The following EVI5 variants were observed in gnomAD, a reference collection of about 807,000 sequenced individuals.
The protein encoded by EVI5 is ecotropic viral integration site 5, also known as ecotropic viral integration site 5 protein homolog.
EVI5 carries 73 observed loss-of-function variants against 112.0 expected under a neutral mutation model. That is an observed-to-expected ratio of 0.65 (90% CI 0.54 to 0.79). The LOEUF (loss-of-function observed/expected upper bound fraction) is 0.79, where lower values mean the gene tolerates loss of function less well. Ranked by LOEUF, EVI5 falls within the 30% of genes least tolerant of loss-of-function variation. The probability of loss-of-function intolerance (pLI) is 0.00; values close to 1 mark genes in which losing one functional copy is unlikely to be tolerated. For synonymous variants in EVI5, 305 were observed against 319.9 expected (o/e 0.95, Z 0.50); for missense variants, 900 against 968.8 (o/e 0.93, Z 0.94).
intron 18 of EVI5, among the ~76,000 whole-genome samples, chr1:92,588,786 GT>G (rs1463267387): frequency 2.0e-5 from 3 of 152,156 alleles, no homozygotes; most frequent in Non-Finnish European, 2.9e-5. Context: ...AACTTAATCT[GT>G]TCTTCACATG....
chr1:92,736,207 A>T (rs1017494088), intron 2 of EVI5, among the ~76,000 whole-genome samples, 191 bp downstream of exon 2: 5 of 152,174 alleles, frequency 3.3e-5, no homozygotes, highest in Admixed American at 6.5e-5. Flanking sequence ...ACAAATCTCT[A>T]AAGCTATTTG....
intron 19 of EVI5, among the ~76,000 whole-genome samples, chr1:92,516,641 C>A (rs924574068): frequency 1.3e-5 from 2 of 152,086 alleles, no homozygotes; most frequent in African/African-American, 4.8e-5. Context: ...ACTGACTACC[C>A]AGAATATGTT....
In EVI5 at chr1:92,784,874, T is replaced by C. The variant is rs982033183; in HGVS notation, c.-120A>G. On this transcript the variant is annotated 5_prime_UTR_variant, in exon 1 of 20. Coordinates refer to ENST00000684568, the MANE Select transcript of EVI5 (RefSeq NM_001350197.2). ...AGTAGACTTCGCCGTAAACATTAAC[T>C]TCCCATCCAGCCGGCAGCCGCGCCG... 2 of 985,476 alleles carry C rather than the reference T, an allele frequency of 2.0e-6. No homozygotes were observed. The highest frequency in any genetic ancestry group is 2.4e-6 in the Non-Finnish European group (2 of 830,282). 61.0% of individuals were successfully genotyped at this position (985,476 alleles called of 1,614,324 possible). A position where few individuals can be genotyped will look rare whatever the true frequency, so the allele number is the denominator to read the frequency against.
At chr1:92,708,596 A>C (rs778650832) in intron 2 of EVI5, among the ~76,000 whole-genome samples, 4 of 152,166 alleles carry the variant, frequency 2.6e-5, no homozygotes, top group Non-Finnish European at 5.9e-5. Context: ...ACCATGACTC[A>C]GCAATTCCAC....
intron 9 of EVI5, among the ~76,000 whole-genome samples, chr1:92,684,246 T>C (rs1222271175): frequency 6.6e-6 from 1 of 152,180 alleles, no homozygotes; most frequent in Non-Finnish European, 1.5e-5. Flanking sequence ...GGGGCCAATA[T>C]TCAACATTCT....
chr1:92,785,238 G>T (rs1370092628), upstream of EVI5: 1 of 326,584 alleles, frequency 3.1e-6, no homozygotes. Flanking sequence ...GAGTGCAGAG[G>T]AGGCGGGGAA....
intron 1 of EVI5, among the ~76,000 whole-genome samples, chr1:92,748,347 G>A (rs1208758728): frequency 1.3e-5 from 2 of 152,296 alleles, no homozygotes; most frequent in African/African-American, 4.8e-5. Context: ...AGGCACAAAT[G>A]TGAACATACC....
At chr1:92,550,400 A>C (rs1666595750) in intron 19 of EVI5, among the ~76,000 whole-genome samples, 1 of 151,298 alleles carries the variant, frequency 6.6e-6, no homozygotes, top group Admixed American at 6.6e-5. Flanking sequence ...AATGTAAATG[A>C]GGAGTTAATG....
At chr1:92,731,178 G>C (rs375335687) in intron 2 of EVI5, among the ~76,000 whole-genome samples, 3 of 151,810 alleles carry the variant, frequency 2.0e-5, no homozygotes, top group African/African-American at 7.3e-5. Flanking sequence ...ACAAAAATTA[G>C]CCGTCATAGT....
intron 13 of EVI5, among the ~76,000 whole-genome samples, chr1:92,659,692 G>T (rs762485060): frequency 6.6e-6 from 1 of 151,952 alleles, no homozygotes; most frequent in Non-Finnish European, 1.5e-5. Flanking sequence ...ATTTCTCAAA[G>T]AACTAAAAAC....
At chr1:92,740,309 T>C (rs1367625616) in intron 1 of EVI5, among the ~76,000 whole-genome samples, 2 of 152,214 alleles carry the variant, frequency 1.3e-5, no homozygotes, top group Non-Finnish European at 2.9e-5. Context: ...CAAGGGCTAT[T>C]GAGGACTAAG....
Position 92,610,668 on chromosome 1 carries a change from G to C in EVI5, c.1828-2941C>G, listed in dbSNP as rs990299152. Among the ~76,000 whole-genome samples the C allele has an allele frequency of 5.9e-5, 9 of 152,210 alleles. 1 individual carries two copies. Among genetic ancestry groups the C allele is most frequent in the Admixed American group, 3.9e-4 (6 of 15,294 alleles). ...TATAAATACAGCCACTGAATTCAAT[G>C]AATGGGTTAGATTGGAGATTAGCTA... On this transcript the variant is annotated intron_variant, in intron 16 of 19. Coordinates refer to ENST00000684568, the MANE Select transcript of EVI5 (RefSeq NM_001350197.2).
chr1:92,559,285 C>A (rs1476560289), intron 19 of EVI5, among the ~76,000 whole-genome samples: 2 of 152,100 alleles, frequency 1.3e-5, no homozygotes, highest in Non-Finnish European at 2.9e-5. Flanking sequence ...ATGCAAAATC[C>A]ACGGATACAG....
chr1:92,587,508 A>T (rs546799455), intron 18 of EVI5, among the ~76,000 whole-genome samples: 1 of 152,134 alleles, frequency 6.6e-6, no homozygotes, highest in African/African-American at 2.4e-5. Context: ...TCACATAATT[A>T]AAAAATATAA....
At chr1:92,576,166 T>C (rs187937454) in intron 18 of EVI5, among the ~76,000 whole-genome samples, 28 of 152,292 alleles carry the variant, frequency 1.8e-4, no homozygotes, top group Middle Eastern at 3.4e-3. Flanking sequence ...CACTGGTAAA[T>C]ATGTATGACA....
chr1:92,785,009 T>TA lies in EVI5; in HGVS notation c.-256dup. ...TCAGGGCCGCCTCGCGACCCTCACC[T>TA]ACCCCTCCCGGCACCGCCGCTGTCG... is the stretch of plus-strand genomic sequence containing the variant. On this transcript the variant is annotated 5_prime_UTR_variant, in exon 1 of 20. Transcript: ENST00000684568. 8 of 985,176 alleles carry TA rather than the reference T, an allele frequency of 8.1e-6. No individual in the cohort carries two copies. Among genetic ancestry groups the TA allele is most frequent in the Non-Finnish European group, 9.6e-6 (8 of 829,978 alleles). The allele number at this position is 985,176 out of a possible 1,614,324, so 61.0% of individuals were successfully genotyped here.
intron 2 of EVI5, among the ~76,000 whole-genome samples, chr1:92,722,958 AATG>A (rs1453880279): frequency 2.0e-5 from 3 of 152,304 alleles, no homozygotes; most frequent in East Asian, 1.9e-4. Flanking sequence ...CTTCCTAAGA[AATG>A]ATAAGAAAGC....
chr1:92,683,115 G>A (rs1450012108), intron 9 of EVI5, among the ~76,000 whole-genome samples: 1 of 152,062 alleles, frequency 6.6e-6, no homozygotes, highest in Admixed American at 6.5e-5. Context: ...TTAAAGTGTT[G>A]CCTTCACTTT....
intron 19 of EVI5, among the ~76,000 whole-genome samples, chr1:92,537,148 A>G (rs1259680525): frequency 1.3e-5 from 2 of 152,158 alleles, no homozygotes; most frequent in East Asian, 3.9e-4. Context: ...CCACACACCA[A>G]AAAAAACCCC....
Sources: gnomAD v4.1 joint callset for allele counts (sites outside exome capture counted in the v4.1 genomes callset) on GRCh38, gnomAD v4.1.1 for gene constraint, MANE v1.5 for transcripts, NCBI Gene and HGNC (gene_info 2026-07-23, HGNC 2026-07-21) for gene names.